CABIN1: variants seen among roughly 807,000 people sequenced by gnomAD.
The protein encoded by CABIN1 is calcineurin-binding protein cabin-1.
CABIN1 carries 133 observed loss-of-function variants against 227.7 expected under a neutral mutation model. That is an observed-to-expected ratio of 0.58 (90% CI 0.51 to 0.67). The LOEUF is 0.67. Ranked by LOEUF, CABIN1 falls within the 30% of genes least tolerant of loss-of-function variation. The pLI is 0.00. For missense variants in CABIN1, 2,408 were observed against 2,852.5 expected, an observed-to-expected ratio of 0.84 and a Z score of 3.55; for synonymous variants, 1,086 against 1,155.1, an observed-to-expected ratio of 0.94 and a Z score of 1.21.
chr22:24,154,555 C>G (rs1375631709), intron 29 of CABIN1, among the ~76,000 whole-genome samples: 1 of 152,192 alleles, frequency 6.6e-6, no homozygotes, highest in Admixed American at 6.5e-5. Context: ...CTCACACAGC[C>G]TTGAGGTAGC....
chr22:24,119,916 G>A (rs573037293), intron 28 of CABIN1, among the ~76,000 whole-genome samples: 1 of 152,354 alleles, frequency 6.6e-6, no homozygotes, highest in South Asian at 2.1e-4. Flanking sequence ...CAGGAATGGA[G>A]GGAGGAGTGT....
Position 24,038,209 on chromosome 22 carries a change from G to A in CABIN1, c.97-139G>A, listed in dbSNP as rs1225452418. 4.4e-6 allele frequency: 3 copies of A among 684,614 alleles called. No individual in the cohort carries two copies. In the Admixed American group the frequency reaches 6.1e-5, roughly 14 times the overall value. 42.4% of individuals were successfully genotyped at this position (684,614 alleles called of 1,614,324 possible). ...CCTCTCTTCCCTTCCTGGAAGTTGGGAGGTGGGGGAGCTGAAAGTTCCAGC... is the reference window on the plus strand; with the variant it reads ...CCTCTCTTCCCTTCCTGGAAGTTGGAAGGTGGGGGAGCTGAAAGTTCCAGC... On this transcript the variant is annotated intron_variant, in intron 3 of 36. Coordinates refer to ENST00000263119, the MANE Select transcript of CABIN1 (RefSeq NM_012295.4).
chr22:24,165,211 G>T (rs2148674087), intron 30 of CABIN1, among the ~76,000 whole-genome samples: 1 of 152,352 alleles, frequency 6.6e-6, no homozygotes, highest in Admixed American at 6.5e-5. Context: ...GAGTTCAGGG[G>T]CCTCCAGCTG....
rs1325294228 is a variant in CABIN1 at position 24,177,081 on chromosome 22, A to G, written c.6206-423A>G. On this transcript the variant is annotated intron_variant, in intron 35 of 36. Coordinates refer to ENST00000263119, the MANE Select transcript of CABIN1 (RefSeq NM_012295.4). The surrounding 1 kb of genome is among the most constrained non-coding windows in gnomAD (Gnocchi z 4.4). ...AGGCGAAAGTGGATGCCCTGGGGCC[A>G]GCTCAGTGACCATGCCTGGCTGAGC... Among the ~76,000 whole-genome samples, 2 of 152,210 alleles carry G rather than the reference A, an allele frequency of 1.3e-5. No individual in the cohort carries two copies. Among genetic ancestry groups the G allele is most frequent in the Non-Finnish European group, 2.9e-5 (2 of 68,022 alleles).
At chr22:24,092,373 C>T (rs1039166269) in intron 24 of CABIN1, among the ~76,000 whole-genome samples, 4 of 152,290 alleles carry the variant, frequency 2.6e-5, no homozygotes, top group African/African-American at 9.6e-5. Flanking sequence ...GATTTTCTCT[C>T]ATGGTTTCCA....
At chr22:24,017,665 CTTT>C (rs900060145) in intron 1 of CABIN1, among the ~76,000 whole-genome samples, 9 of 152,170 alleles carry the variant, frequency 5.9e-5, no homozygotes, top group African/African-American at 1.9e-4. Context: ...GAATTGCCTT[CTTT>C]TTTGTGACAT....
At chr22:24,125,435 G>A (rs536576315) in intron 28 of CABIN1, among the ~76,000 whole-genome samples, 7 of 152,218 alleles carry the variant, frequency 4.6e-5, no homozygotes, top group Non-Finnish European at 1.0e-4. Context: ...GTAGAAGCCA[G>A]GACTATCGTG....
intron 33 of CABIN1, 153 bp downstream of exon 33, chr22:24,168,674 C>T: frequency 2.7e-6 from 2 of 733,308 alleles, no homozygotes; most frequent in Admixed American, 2.0e-5. Context: ...GCTGAGCCTC[C>T]AGCACGTGGC....
At chr22:24,069,668 C>T (rs1462021461) in intron 16 of CABIN1, among the ~76,000 whole-genome samples, 1 of 152,204 alleles carries the variant, frequency 6.6e-6, no homozygotes, top group Non-Finnish European at 1.5e-5. Context: ...TGTAGGCACC[C>T]TCGCACCCCA....
intron 27 of CABIN1, among the ~76,000 whole-genome samples, 195 bp from the exon 28 acceptor site, chr22:24,119,172 C>T (rs1019785525): frequency 6.6e-6 from 1 of 152,154 alleles, no homozygotes; most frequent in Non-Finnish European, 1.5e-5. Context: ...TTTCATGGAG[C>T]GGGAGACCTC....
At chr22:24,053,772 G>A (rs2038557777) in intron 8 of CABIN1, among the ~76,000 whole-genome samples, 1 of 152,108 alleles carries the variant, frequency 6.6e-6, no homozygotes, top group Admixed American at 6.5e-5. Flanking sequence ...AGTGTGGCAG[G>A]GCCTGGTCCC....
At chr22:24,166,607 GAC>G in intron 31 of CABIN1, 30 bp from the exon 32 acceptor site, 2 of 1,612,456 alleles carry the variant, frequency 1.2e-6, no homozygotes, top group Non-Finnish European at 1.7e-6. Flanking sequence ...AGACACCAGC[GAC>G]ACAGCTTCTT....
chr22:24,169,717 G>C (rs1342527506), intron 33 of CABIN1, among the ~76,000 whole-genome samples: 1 of 152,244 alleles, frequency 6.6e-6, no homozygotes, highest in Non-Finnish European at 1.5e-5. Flanking sequence ...AGGTGGAGCA[G>C]GTGGACATGG....
chr22:24,150,798 G>A (rs138032309), intron 29 of CABIN1, among the ~76,000 whole-genome samples: 1 of 152,314 alleles, frequency 6.6e-6, no homozygotes, highest in Non-Finnish European at 1.5e-5. Flanking sequence ...TTCTCCAGTG[G>A]GAGCATCTTG....
intron 24 of CABIN1, 91 bp downstream of exon 24, chr22:24,091,934 C>A (rs1680142126): frequency 5.2e-6 from 8 of 1,532,606 alleles, no homozygotes; most frequent in African/African-American, 1.4e-5. Context: ...GTTCCAGTGA[C>A]CGTCCTTCAA....
rs769194642 is a variant in CABIN1, at chr22:24,050,807, T to C, written c.657-18T>C. Reference sequence around the variant, plus strand: ...AGTTTGTAACATGATAATTTCTCCCTGTCTCACATGCTTTTAGTGACATGT... The same window carrying C: ...AGTTTGTAACATGATAATTTCTCCCCGTCTCACATGCTTTTAGTGACATGT... On this transcript the variant is annotated intron_variant, in intron 7 of 36. Coordinates refer to ENST00000263119, the MANE Select transcript of CABIN1 (RefSeq NM_012295.4). 2.5e-6 allele frequency: 4 copies of C among 1,614,192 alleles called. No homozygotes were observed. Among genetic ancestry groups the C allele is most frequent in the South Asian group, 1.1e-5 (1 of 91,080 alleles).
Position 24,072,361 on chromosome 22 carries a change from A to G in CABIN1, c.2483A>G (p.Asp828Gly). ...RLTNNLIQVI[D>G]CSMAVQEEAK... ...CCCACCCCGCACTGTCAGGTCATTG[A>G]CTGCAGCATGGCTGTGCAGGAGGAG... is the stretch of plus-strand genomic sequence containing the variant. Residue 828 changes from aspartate (D) to glycine (G), a missense_variant, in exon 18 of 37, where the codon GAC becomes GGC. Coordinates refer to ENST00000263119, the MANE Select transcript of CABIN1 (RefSeq NM_012295.4). 1 of 1,614,112 alleles carries G rather than the reference A, an allele frequency of 6.2e-7. No individual in the cohort carries two copies. The highest frequency in any genetic ancestry group is 8.5e-7 in the Non-Finnish European group (1 of 1,180,016).
At chr22:24,102,774 C>T (rs955052356) in intron 26 of CABIN1, among the ~76,000 whole-genome samples, 36 of 152,068 alleles carry the variant, frequency 2.4e-4, no homozygotes, top group African/African-American at 8.7e-4. Context: ...GGTGGTGATG[C>T]CTACCTAGTC....
intron 17 of CABIN1, among the ~76,000 whole-genome samples, chr22:24,071,486 G>A (rs2040081451): frequency 6.6e-6 from 1 of 152,156 alleles, no homozygotes; most frequent in Admixed American, 6.5e-5. Flanking sequence ...TTCCTCTGAA[G>A]CACTCTGGGC....
Sources: gnomAD v4.1 joint callset for allele counts (sites outside exome capture counted in the v4.1 genomes callset) on GRCh38, gnomAD v4.1.1 for gene constraint, Gnocchi (gnomAD v3.1) non-coding constraint, MANE v1.5 for transcripts, NCBI Gene and HGNC (gene_info 2026-07-23, HGNC 2026-07-21) for gene names.